BAIAP2L2: variants seen among roughly 807,000 people sequenced by gnomAD.
BAIAP2L2 encodes the protein BAR/IMD domain containing adaptor protein 2 like 2.
In BAIAP2L2, 65 loss-of-function variants were observed where a neutral mutation model predicts 60.4. The observed-to-expected ratio is 1.08, with a 90% CI of 0.88 to 1.32. The LOEUF is 1.32. Ranked by LOEUF, BAIAP2L2 falls within the 40% of genes most tolerant of loss-of-function variation. The probability of loss-of-function intolerance (pLI) is 0.00; values close to 1 mark genes in which losing one functional copy is unlikely to be tolerated. For synonymous variants in BAIAP2L2, 344 were observed against 301.7 expected, an observed-to-expected ratio of 1.14 and a Z score of -1.45; for missense variants, 836 against 741.2, an observed-to-expected ratio of 1.13 and a Z score of -1.48.
chr22:38,086,460 A>G lies in BAIAP2L2; in HGVS notation c.1260-11T>C, dbSNP rs188059374. 31 of 1,481,876 alleles carry G rather than the reference A, an allele frequency of 2.1e-5. No homozygotes were observed. The Admixed American group carries it at 4.2e-4, about 20-fold the overall frequency. 91.8% of individuals were successfully genotyped at this position (1,481,876 alleles called of 1,614,324 possible). A position where few individuals can be genotyped will look rare whatever the true frequency, so the allele number is the denominator to read the frequency against. The stretch of plus-strand genomic sequence containing the variant: ...CGGAGTGGGTAGGACCTAAGTCCAG[A>G]GAAAGGAGGGGGAAGGAAAGGGGTT... On this transcript the variant is annotated splice_polypyrimidine_tract_variant and intron_variant, in intron 11 of 13. Coordinates refer to ENST00000381669, the MANE Select transcript of BAIAP2L2 (RefSeq NM_025045.6).
intron 2 of BAIAP2L2, among the ~76,000 whole-genome samples, chr22:38,108,828 G>T (rs1468361049): frequency 6.6e-6 from 1 of 152,018 alleles, no homozygotes. Context: ...TGTATGCACT[G>T]TCAGGGGCTG....
intron 13 of BAIAP2L2, 129 bp from the exon 14 acceptor site, chr22:38,085,504 GC>G: frequency 7.8e-7 from 1 of 1,285,988 alleles, no homozygotes; most frequent in Non-Finnish European, 1.1e-6. Context: ...TCCACTCCTT[GC>G]CCCGCTTCAT....
At position 38,109,163 on chromosome 22, in the gene BAIAP2L2, G is replaced by A. The variant is rs113681022; in HGVS notation, c.97C>T (p.Leu33=). ...FNPALENLVY[L]GNNYLRAFHA... ...AAGGCACGCAGGTAGTTGTTGCCCA[G>A]GTACACCAGGTTCTCCAGGGCGGGG... The change falls in exon 2 of 14, where the codon CTG becomes TTG. Residue 33 remains leucine (L), a synonymous_variant. Transcript: ENST00000381669. 3 of 1,613,166 alleles carry A rather than the reference G, an allele frequency of 1.9e-6. No homozygotes were observed. Among genetic ancestry groups the A allele is most frequent in the Middle Eastern group, 1.7e-4 (1 of 6,040 alleles).
intron 7 of BAIAP2L2, chr22:38,090,114 T>TAA (rs1357079896): frequency 7.7e-6 from 1 of 130,228 alleles, no homozygotes; most frequent in Non-Finnish European, 1.7e-5. Flanking sequence ...TTTTTTTTTT[T>TAA]TTTTTTTTTT....
intron 4 of BAIAP2L2, among the ~76,000 whole-genome samples, chr22:38,100,404 T>C (rs2086540683): frequency 6.6e-6 from 1 of 152,046 alleles, no homozygotes; most frequent in Non-Finnish European, 1.5e-5. Flanking sequence ...CGGCTGCCTG[T>C]AATCCCAGCT....
Position 38,098,172 on chromosome 22 carries a change from C to T in BAIAP2L2, c.356G>A (p.Arg119His), listed in dbSNP as rs371204360. Residue 119 changes from arginine to histidine, a missense_variant, in exon 6 of 14, where the codon CGC becomes CAC. By Grantham distance (29) the Arg-to-His change is conservative. Transcript: ENST00000381669. ...KLDMQFIKDS[R>H]QHYELEYRHR... ...GCGGTACTCGAGCTCATAGTGCTGG[C>T]GGCTGTCCTGGGGTAGGGTGGAGTC... The T allele has an allele frequency of 1.9e-5, 31 of 1,613,940 alleles. No individual in the cohort carries two copies. In the Admixed American group the frequency reaches 4.2e-4, roughly 22 times the overall value.
intron 12 of BAIAP2L2, 98 bp downstream of exon 12, chr22:38,086,144 G>T: frequency 7.5e-7 from 1 of 1,333,746 alleles, no homozygotes; most frequent in Non-Finnish European, 1.0e-6. Context: ...CAGGTAGGCG[G>T]GTCCCCTGCC....
At chr22:38,102,949 G>T (rs1419137657) in intron 4 of BAIAP2L2, among the ~76,000 whole-genome samples, 1 of 151,914 alleles carries the variant, frequency 6.6e-6, no homozygotes, top group Admixed American at 6.6e-5. Context: ...GGGAGGCTGA[G>T]GCAGGAGAAT....
rs540871434 is a variant in BAIAP2L2 at position 38,087,855 on chromosome 22, C to T, written c.1119-591G>A. 6.6e-5 allele frequency among the ~76,000 whole-genome samples: 10 copies of T among 151,328 alleles called. No homozygotes were observed. The South Asian group carries it at 1.5e-3, about 22-fold the overall frequency. On this transcript the variant is annotated intron_variant, in intron 10 of 13. Transcript: ENST00000381669. ...CATCAGTGTCTGTCCACCACATCTG[C>T]GCATCCTCCCATGTCCCTAACCACC...
chr22:38,086,415 C>T lies in BAIAP2L2; in HGVS notation c.1294G>A (p.Asp432Asn), dbSNP rs564298739. The change falls in exon 12 of 14, where the codon GAC becomes AAC. Residue 432 changes from aspartate to asparagine, a missense_variant. Physicochemically the swap from Asp to Asn is conservative, Grantham distance 23. Transcript: ENST00000381669. The part of the protein sequence containing the change: ...YPLRGSHSLD[D>N]LLDRPGNSIA... ...GAGTTGCCCGGCCGGTCCAGGAGGT[C>T]ATCGAGGCTGTGGCTGCCCCGGAGT... The T allele has an allele frequency of 9.1e-6, 14 of 1,534,586 alleles. No individual in the cohort carries two copies. The African/African-American group carries it at 1.8e-4, about 20-fold the overall frequency.
chr22:38,097,235 C>T, intron 6 of BAIAP2L2, 57 bp from the exon 7 acceptor site: 1 of 1,587,526 alleles, frequency 6.3e-7, no homozygotes, highest in South Asian at 1.1e-5. Flanking sequence ...TCCCACCCCC[C>T]TCGCCCACAG....
At chr22:38,100,123 G>A (rs900872345) in intron 4 of BAIAP2L2, among the ~76,000 whole-genome samples, 3 of 152,128 alleles carry the variant, frequency 2.0e-5, no homozygotes, top group African/African-American at 4.8e-5. Context: ...GTGATACAAC[G>A]GTGAACAGAA....
At chr22:38,086,471 G>A in intron 11 of BAIAP2L2, 22 bp from the exon 12 acceptor site, 6 of 1,472,352 alleles carry the variant, frequency 4.1e-6, no homozygotes, top group Non-Finnish European at 4.5e-6. Context: ...GAAAGGAGGG[G>A]GAAGGAAAGG....
Position 38,107,839 on chromosome 22 carries a change from G to C in BAIAP2L2, c.276+13C>G, listed in dbSNP as rs781664183. The stretch of plus-strand genomic sequence containing the variant: ...TCGAGTGACCCCTCCAGGCCCTGGG[G>C]CCTGATACTCACCACCACCTCCAGG... On this transcript the variant is annotated intron_variant, in intron 4 of 13. Coordinates refer to ENST00000381669, the MANE Select transcript of BAIAP2L2 (RefSeq NM_025045.6). 8.5e-5 allele frequency: 137 copies of C among 1,612,528 alleles called. No homozygotes were observed. The highest frequency in any genetic ancestry group is 1.0e-4 in the Non-Finnish European group (123 of 1,179,312).
At chr22:38,089,701 G>A in intron 7 of BAIAP2L2, 27 bp from the exon 8 acceptor site, 1 of 1,227,842 alleles carries the variant, frequency 8.1e-7, no homozygotes, top group Admixed American at 4.2e-5. Flanking sequence ...ACGGGGGTCA[G>A]CCAGGTCCGG....
upstream of BAIAP2L2, chr22:38,110,778 T>G (rs2086829925): frequency 1.9e-6 from 1 of 513,744 alleles, no homozygotes; most frequent in African/African-American, 2.0e-5. Context: ...CAGGCTCGTG[T>G]GACCTGCCCT....
chr22:38,107,442 C>G (rs1319215776), intron 4 of BAIAP2L2, among the ~76,000 whole-genome samples: 1 of 152,102 alleles, frequency 6.6e-6, no homozygotes, highest in Admixed American at 6.5e-5. Context: ...CACTGAGAAG[C>G]CTGTGTTCAG....
At chr22:38,086,559 C>T (rs374720474) in intron 11 of BAIAP2L2, 110 bp from the exon 12 acceptor site, 156 of 794,656 alleles carry the variant, frequency 2.0e-4, no homozygotes, top group Non-Finnish European at 2.8e-4. Context: ...GCTTCCTCCC[C>T]GCACCTGCAT....
chr22:38,108,315 A>C lies in BAIAP2L2; in HGVS notation c.154T>G (p.Phe52Val). 6.2e-7 allele frequency: 1 copy of C among 1,612,754 alleles called. No homozygotes were observed. The highest frequency in any genetic ancestry group is 1.1e-5 in the South Asian group (1 of 91,030). The part of the protein sequence containing the change: ...HALSEAAEVY[F>V]SAIQKIGERA... ...TCCCCAATCTTCTGGATGGCACTGA[A>C]GTAGACCTCGGCCGCCTCGGACAGA... The change falls in exon 3 of 14, where the codon TTC becomes GTC. Residue 52 changes from phenylalanine to valine, a missense_variant. Phe to Val is a conservative substitution (Grantham distance 50, BLOSUM62 -1). Transcript: ENST00000381669.
Sources: gnomAD v4.1 joint callset for allele counts (sites outside exome capture counted in the v4.1 genomes callset) on GRCh38, gnomAD v4.1.1 for gene constraint, MANE v1.5 for transcripts, NCBI Gene and HGNC (gene_info 2026-07-23, HGNC 2026-07-21) for gene names.